The following RCC1L variants were observed in gnomAD, a reference collection of about 807,000 sequenced individuals.
RCC1L encodes RCC1 like.
In RCC1L, 46 loss-of-function variants were observed where a neutral mutation model predicts 58.6. That is an observed-to-expected ratio of 0.79 (90% confidence interval 0.62 to 1.00). The LOEUF (loss-of-function observed/expected upper bound fraction) is 1.00. Among genes scored for constraint, RCC1L ranks in the 50% least tolerant of loss-of-function variants. The probability of loss-of-function intolerance (pLI) is 0.00; values close to 1 mark genes in which losing one functional copy is unlikely to be tolerated. For missense variants in RCC1L, 636 were observed against 623.6 expected (o/e 1.02, Z -0.21); for synonymous variants, 281 against 262.9 (o/e 1.07, Z -0.67).
At chr7:75,028,543 C>A (rs878857476) in intron 10 of RCC1L, among the ~76,000 whole-genome samples, 19,400 of 152,056 alleles carry the variant, frequency 0.13, 1,464 homozygotes, top group Middle Eastern at 0.37. Context: ...ACCCCACCCT[C>A]TCCCCTTGCT....
rs1554444861 is a variant in RCC1L at position 75,064,698 on chromosome 7, T to C, written c.584-50A>G. Reference sequence around the variant, plus strand: ...TCAGTTCTGCAGGTTTGTGGGATCCTAGAATGTGAGGACTGGAAGGGGTCT... The same window carrying C: ...TCAGTTCTGCAGGTTTGTGGGATCCCAGAATGTGAGGACTGGAAGGGGTCT... On this transcript the variant is annotated intron_variant, in intron 3 of 10. Transcript: ENST00000610322. 7 of 1,601,756 alleles carry C rather than the reference T, an allele frequency of 4.4e-6. No homozygotes were observed. In the Admixed American group the frequency reaches 5.0e-5, roughly 11 times the overall value.
Position 75,042,315 on chromosome 7 carries a change from C to T in RCC1L, c.*717G>A. 3 of 985,396 alleles carry T rather than the reference C, an allele frequency of 3.0e-6. No individual in the cohort carries two copies. The South Asian group carries it at 1.4e-4, about 46-fold the overall frequency. 61.0% of individuals were successfully genotyped at this position (985,396 alleles called of 1,614,324 possible). ...TTCTGGATCTTCCTCCTCCGCCTGG[C>T]ACTGCAGCTGAGCCTTGGCGGATAT... On this transcript the variant is annotated 3_prime_UTR_variant, in exon 11 of 11. Transcript: ENST00000610322.
chr7:75,071,274 C>T (rs1164347565), intron 1 of RCC1L, among the ~76,000 whole-genome samples: 3 of 152,078 alleles, frequency 2.0e-5, no homozygotes, highest in East Asian at 1.9e-4. Context: ...TACACATAGA[C>T]CATAAATATA....
chr7:75,041,146 G>A (rs969426325), downstream of RCC1L, among the ~76,000 whole-genome samples: 1,191 of 152,102 alleles, frequency 7.8e-3, 7 homozygotes, highest in Non-Finnish European at 0.01. Context: ...ACCGGGAGGC[G>A]GAGGTTGCAG....
intron 10 of RCC1L, among the ~76,000 whole-genome samples, chr7:75,043,683 C>G (rs1035748280): frequency 1.3e-5 from 2 of 152,152 alleles, no homozygotes; most frequent in Admixed American, 1.3e-4. Flanking sequence ...GGCGTGGTGG[C>G]AGGCGCCTGT....
Position 75,066,754 on chromosome 7 carries a change from A to G in RCC1L, c.493T>C (p.Ser165Pro), listed in dbSNP as rs1584503843. 1.2e-6 allele frequency: 2 copies of G among 1,613,000 alleles called. No homozygotes were observed. Among genetic ancestry groups the G allele is most frequent in the African/African-American group, 2.7e-5 (2 of 74,880 alleles). Residue 165 changes from serine (S) to proline (P), a missense_variant, in exon 3 of 11, where the codon TCC (serine) becomes CCC (proline). By Grantham distance (74) the Ser-to-Pro change is moderately conservative. Coordinates refer to ENST00000610322, the MANE Select transcript of RCC1L (RefSeq NM_030798.5). ...TCCTGAGGTCTGTCCAGAGGCAGGG[A>G]GACGGGTGAGGGCTCCAACACATAC... ...YEYVLEPSPV[S>P]LPLDRPQETR... is the part of the protein sequence containing the mutation.
downstream of RCC1L, among the ~76,000 whole-genome samples, chr7:75,039,816 C>T (rs972207212): frequency 5.9e-5 from 9 of 152,160 alleles, no homozygotes; most frequent in Middle Eastern, 3.4e-3. Context: ...CTCACTAAAG[C>T]GAGAGGAGAC....
chr7:75,056,175 GTTT>G, intron 8 of RCC1L, 101 bp from the exon 9 acceptor site: 3 of 1,250,774 alleles, frequency 2.4e-6, no homozygotes, highest in Non-Finnish European at 2.3e-6. Flanking sequence ...CATCCACACG[GTTT>G]TTTTTTGTTT....
At chr7:75,037,224 A>T (rs1424124583), downstream of RCC1L, among the ~76,000 whole-genome samples, 2 of 151,954 alleles carry the variant, frequency 1.3e-5, no homozygotes, top group East Asian at 3.9e-4. Flanking sequence ...TCAATCTGTC[A>T]CCCCGGCTGG....
chr7:75,054,389 C>G (rs1806013395), intron 9 of RCC1L, among the ~76,000 whole-genome samples: 1 of 152,164 alleles, frequency 6.6e-6, no homozygotes, highest in African/African-American at 2.4e-5. Context: ...CCTGTTAAGT[C>G]TCGGGGAGAA....
intron 4 of RCC1L, 96 bp downstream of exon 4, chr7:75,064,486 C>A: frequency 7.2e-7 from 1 of 1,395,494 alleles, no homozygotes; most frequent in Non-Finnish European, 1.0e-6. Context: ...CTCAGGCATG[C>A]CTCTGACCGC....
intron 5 of RCC1L, 73 bp from the exon 6 acceptor site, chr7:75,061,364 C>A (rs1806273821): frequency 4.5e-6 from 6 of 1,346,398 alleles, no homozygotes; most frequent in Non-Finnish European, 6.4e-6. Flanking sequence ...CAAAGAAGGA[C>A]CAGCACCATC....
intron 10 of RCC1L, among the ~76,000 whole-genome samples, chr7:75,036,167 A>C (rs1355324020): frequency 7.4e-6 from 1 of 134,534 alleles, no homozygotes; most frequent in Non-Finnish European, 1.5e-5. Flanking sequence ...CCCAAGCTGG[A>C]GTGCAATGGT....
chr7:75,061,142 G>T, intron 6 of RCC1L, 65 bp downstream of exon 6: 2 of 1,339,920 alleles, frequency 1.5e-6, no homozygotes, highest in Non-Finnish European at 1.1e-6. Context: ...ATGCCCTACA[G>T]CTCACAGCTC....
Position 75,042,948 on chromosome 7 carries a change from C to A in RCC1L, c.*84G>T. 1 of 1,605,586 alleles carries A rather than the reference C, an allele frequency of 6.2e-7. No individual in the cohort carries two copies. Among genetic ancestry groups the A allele is most frequent in the Non-Finnish European group, 8.5e-7 (1 of 1,175,650 alleles). ...TCCTCCGCCACCACCATCCAAGAAC[C>A]CCGGGGGGCTGGCCACGCGCTGGCC... On this transcript the variant is annotated 3_prime_UTR_variant, in exon 11 of 11. Transcript: ENST00000610322.
chr7:75,073,246 C>A (rs1554446411), intron 1 of RCC1L, among the ~76,000 whole-genome samples, 168 bp downstream of exon 1: 1 of 152,256 alleles, frequency 6.6e-6, no homozygotes, highest in Non-Finnish European at 1.5e-5. Context: ...ATGTTGATGG[C>A]CACCCCTAAC....
chr7:75,040,717 A>T (rs1404806940), downstream of RCC1L, among the ~76,000 whole-genome samples: 1 of 152,152 alleles, frequency 6.6e-6, no homozygotes, highest in Non-Finnish European at 1.5e-5. Flanking sequence ...CTTTAGACCC[A>T]GCCCCAGTAA....
At chr7:75,045,400 G>A (rs999833738) in intron 10 of RCC1L, among the ~76,000 whole-genome samples, 1 of 150,906 alleles carries the variant, frequency 6.6e-6, no homozygotes, top group Non-Finnish European at 1.5e-5. Context: ...GGCTGGTCTC[G>A]AACTCCTGGG....
downstream of RCC1L, among the ~76,000 whole-genome samples, chr7:75,040,955 C>G (rs1182543950): frequency 6.6e-6 from 1 of 152,024 alleles, no homozygotes; most frequent in Admixed American, 6.6e-5. Context: ...CGGTGGCTCA[C>G]GCCTGTAATC....
Sources: gnomAD v4.1 joint callset for allele counts (sites outside exome capture counted in the v4.1 genomes callset) on GRCh38, gnomAD v4.1.1 for gene constraint, MANE v1.5 for transcripts, NCBI Gene and HGNC (gene_info 2026-07-23, HGNC 2026-07-21) for gene names.